The following CDH4 variants were observed in gnomAD, a reference collection of about 807,000 sequenced individuals.
The protein encoded by CDH4 is cadherin-4.
Under a neutral mutation model 86.0 loss-of-function variants are expected in CDH4, and 33 were observed. That is an observed-to-expected ratio of 0.38 (90% CI 0.29 to 0.51). The LOEUF (loss-of-function observed/expected upper bound fraction) is 0.51, where lower values mean the gene tolerates loss of function less well. Among genes scored for constraint, CDH4 ranks in the 20% least tolerant of loss-of-function variants. The pLI is 0.86. For missense variants in CDH4, 1,114 were observed against 1,307.4 expected (o/e 0.85, Z 2.28); for synonymous variants, 555 against 549.4 (o/e 1.01, Z -0.14).
chr20:61,666,660 A>G lies in CDH4; in HGVS notation c.170-76903A>G, dbSNP rs553679726. ...CAGCCCAGGCAGGACTAGGGACTCCAGGAGGGATCCCATCCCCCTGCAGAG... is the reference window on the plus strand; with the variant it reads ...CAGCCCAGGCAGGACTAGGGACTCCGGGAGGGATCCCATCCCCCTGCAGAG... On this transcript the variant is annotated intron_variant, in intron 2 of 15. Coordinates refer to ENST00000614565, the MANE Select transcript of CDH4 (RefSeq NM_001794.5). Among the ~76,000 whole-genome samples the G allele has an allele frequency of 2.2e-4, 34 of 152,300 alleles. No homozygotes were observed. The East Asian group carries it at 5.0e-3, about 23-fold the overall frequency.
chr20:61,255,084 C>T (rs1304081066), intron 2 of CDH4, 147 bp downstream of exon 2: 13 of 621,344 alleles, frequency 2.1e-5, no homozygotes, highest in Non-Finnish European at 3.8e-5. Context: ...AATTGGTTGA[C>T]CTGAAAGGCG....
At chr20:61,576,569 C>T (rs376483715) in intron 2 of CDH4, among the ~76,000 whole-genome samples, 4 of 152,188 alleles carry the variant, frequency 2.6e-5, no homozygotes, top group Non-Finnish European at 5.9e-5. Flanking sequence ...CGGAGGCAGA[C>T]ATCACTAATC....
chr20:61,477,247 G>A (rs2085542596), intron 2 of CDH4, among the ~76,000 whole-genome samples: 1 of 152,230 alleles, frequency 6.6e-6, no homozygotes, highest in Admixed American at 6.5e-5. Flanking sequence ...GGGTCCTATG[G>A]CCAATGGGCA....
intron 2 of CDH4, among the ~76,000 whole-genome samples, chr20:61,694,406 C>T (rs186229855): frequency 2.0e-5 from 3 of 152,134 alleles, no homozygotes; most frequent in Admixed American, 6.5e-5. Context: ...AAAATCACTT[C>T]GCAGGGTGGT....
At chr20:61,745,508 C>T (rs1192007909) in intron 3 of CDH4, among the ~76,000 whole-genome samples, 3 of 152,178 alleles carry the variant, frequency 2.0e-5, no homozygotes, top group Non-Finnish European at 4.4e-5. Flanking sequence ...CTTGAGAGTC[C>T]TCCTGAGTGT....
At chr20:61,883,089 C>A (rs939015641) in intron 7 of CDH4, among the ~76,000 whole-genome samples, 1 of 151,738 alleles carries the variant, frequency 6.6e-6, no homozygotes, top group Non-Finnish European at 1.5e-5. Context: ...CGGCCCCATT[C>A]CCCCGGCACC....
intron 2 of CDH4, among the ~76,000 whole-genome samples, chr20:61,423,828 A>G (rs868617513): frequency 4.6e-5 from 7 of 152,180 alleles, no homozygotes; most frequent in Middle Eastern, 3.2e-3. Flanking sequence ...AATCAGGCCA[A>G]GCTTCTTCAG....
intron 2 of CDH4, among the ~76,000 whole-genome samples, chr20:61,706,544 C>T (rs1696211191): frequency 6.6e-6 from 1 of 152,154 alleles, no homozygotes; most frequent in African/African-American, 2.4e-5. Flanking sequence ...GGAGGAAGAA[C>T]GGATGGAAAG....
At chr20:61,620,076 C>T (rs1425458857) in intron 2 of CDH4, among the ~76,000 whole-genome samples, 2 of 122,646 alleles carry the variant, frequency 1.6e-5, no homozygotes, top group East Asian at 5.2e-4. Context: ...TCCCTGGCTT[C>T]CTGAGTCAGC....
intron 2 of CDH4, among the ~76,000 whole-genome samples, chr20:61,467,958 G>A (rs1345272482): frequency 1.3e-5 from 2 of 152,196 alleles, no homozygotes; most frequent in African/African-American, 4.8e-5. Flanking sequence ...GCACAGGGTG[G>A]TGTCAGAAGG....
chr20:61,833,981 T>C (rs1193880332), intron 4 of CDH4, among the ~76,000 whole-genome samples: 1 of 152,222 alleles, frequency 6.6e-6, no homozygotes, highest in Non-Finnish European at 1.5e-5. Context: ...GTCTCCTTCC[T>C]ATTGGCCCAG....
chr20:61,336,066 G>T (rs539966393), intron 2 of CDH4, among the ~76,000 whole-genome samples: 5 of 152,254 alleles, frequency 3.3e-5, no homozygotes, highest in Middle Eastern at 3.4e-3. Context: ...TACTGTGGGG[G>T]AGAAGGTGCA....
rs966517014 is a variant in CDH4, at chr20:61,635,327, C to T, written c.170-108236C>T. Among the ~76,000 whole-genome samples the T allele has an allele frequency of 1.3e-5, 2 of 152,316 alleles. 1 individual carries two copies. On this transcript the variant is annotated intron_variant, in intron 2 of 15. Coordinates refer to ENST00000614565, the MANE Select transcript of CDH4 (RefSeq NM_001794.5). ...TGAATGTCTGTTTTTTTATAATAGC[C>T]ATCCTAAGGATTGTGAAATGGTGCT... is the stretch of plus-strand genomic sequence containing the variant.
intron 2 of CDH4, among the ~76,000 whole-genome samples, chr20:61,297,963 TG>T (rs2084365661): frequency 6.6e-6 from 1 of 152,214 alleles, no homozygotes. Flanking sequence ...ACCCTTCTTT[TG>T]GGTTTTGGGG....
intron 2 of CDH4, among the ~76,000 whole-genome samples, chr20:61,492,334 GTGATGT>G (rs992255348): frequency 4.0e-5 from 6 of 150,890 alleles, no homozygotes; most frequent in South Asian, 2.1e-4. Flanking sequence ...GTTGATGTTT[GTGATGT>G]TGATGTTGAT....
At chr20:61,533,424 G>A (rs1218618363) in intron 2 of CDH4, among the ~76,000 whole-genome samples, 1 of 152,228 alleles carries the variant, frequency 6.6e-6, no homozygotes. Context: ...CTGCTGCAGA[G>A]GCAGCTAGAG....
intron 1 of CDH4, among the ~76,000 whole-genome samples, chr20:61,254,516 C>G (rs2084086477): frequency 6.6e-6 from 1 of 152,202 alleles, no homozygotes; most frequent in Non-Finnish European, 1.5e-5. Context: ...GCCTTTTGGT[C>G]ATTTCTCAGG....
chr20:61,685,007 C>T (rs937190664), intron 2 of CDH4, among the ~76,000 whole-genome samples: 1 of 152,138 alleles, frequency 6.6e-6, no homozygotes, highest in Non-Finnish European at 1.5e-5. Context: ...TTACAGAGAG[C>T]AACTGTTGCT....
chr20:61,833,028 T>G (rs1234898891), intron 4 of CDH4, among the ~76,000 whole-genome samples: 1 of 151,832 alleles, frequency 6.6e-6, no homozygotes, highest in Non-Finnish European at 1.5e-5. Flanking sequence ...GTCTGAGGGG[T>G]GGGCTGAGCA....
Sources: gnomAD v4.1 joint callset for allele counts (sites outside exome capture counted in the v4.1 genomes callset) on GRCh38, gnomAD v4.1.1 for gene constraint, MANE v1.5 for transcripts, NCBI Gene and HGNC (gene_info 2026-07-23, HGNC 2026-07-21) for gene names.